The following PCNX1 variants were observed in gnomAD, a reference collection of about 807,000 sequenced individuals.
The protein encoded by PCNX1 is pecanex 1, also known as pecanex-like protein 1.
PCNX1 carries 78 observed loss-of-function variants against 242.2 expected under a neutral mutation model. The observed-to-expected ratio is 0.32, with a 90% CI of 0.27 to 0.39. PCNX1 has a LOEUF of 0.39. Among genes scored for constraint, PCNX1 ranks in the 10% least tolerant of loss-of-function variants. The pLI is 1.00. For synonymous variants in PCNX1, 1,024 were observed against 1,032.9 expected (o/e 0.99, Z 0.17); for missense variants, 2,581 against 2,856.5 (o/e 0.90, Z 2.20).
chr14:71,099,878 A>G (rs1374907436), intron 30 of PCNX1, among the ~76,000 whole-genome samples: 2 of 152,170 alleles, frequency 1.3e-5, no homozygotes, highest in Non-Finnish European at 2.9e-5. Context: ...TATCTGATAT[A>G]GGAATAGTGA....
chr14:71,102,317 A>G (rs2062485546), intron 31 of PCNX1, 97 bp downstream of exon 31: 2 of 760,874 alleles, frequency 2.6e-6, no homozygotes, highest in Non-Finnish European at 4.4e-6. Context: ...CTTTGGGCCC[A>G]GGCTGGAATA....
Position 70,925,812 on chromosome 14 carries a change from CAG to C in PCNX1, c.153+17812_153+17813del, listed in dbSNP as rs138050011. Among the ~76,000 whole-genome samples, 405 of 152,204 alleles carry C rather than the reference CAG, an allele frequency of 2.7e-3. 1 individual carries two copies. The highest frequency in any genetic ancestry group is 9.5e-3 in the African/African-American group (394 of 41,510). ...AAATCCCCTTTTGCAGAGGAGGAAACAGAGGCTCCTAGGGGTTAAATCACTGG... is the reference window on the plus strand; with the variant it reads ...AAATCCCCTTTTGCAGAGGAGGAAACAGGCTCCTAGGGGTTAAATCACTGG... On this transcript the variant is annotated intron_variant, in intron 1 of 35. Coordinates refer to ENST00000304743, the MANE Select transcript of PCNX1 (RefSeq NM_014982.3).
At chr14:71,098,553 TGAGA>T (rs1555379088) in intron 30 of PCNX1, among the ~76,000 whole-genome samples, 18 of 125,734 alleles carry the variant, frequency 1.4e-4, no homozygotes, top group South Asian at 5.2e-4. Context: ...TGTGTGTGTG[TGAGA>T]GAGAGAGAGA....
At chr14:71,068,759 A>G (rs2061519894) in intron 26 of PCNX1, among the ~76,000 whole-genome samples, 1 of 132,144 alleles carries the variant, frequency 7.6e-6, no homozygotes, top group Non-Finnish European at 1.5e-5. Flanking sequence ...TATATACATT[A>G]TATATTATGT....
intron 1 of PCNX1, among the ~76,000 whole-genome samples, chr14:70,930,234 C>CTT (rs1260173633): frequency 6.6e-6 from 1 of 152,070 alleles, no homozygotes; most frequent in African/African-American, 2.4e-5. Flanking sequence ...CAGCCTTGAA[C>CTT]TTTTGGGCTC....
intron 15 of PCNX1, chr14:71,027,337 A>G (rs531627621): frequency 6.6e-6 from 1 of 152,104 alleles, no homozygotes. Context: ...CCAGAATCTA[A>G]AAGTATTTTA....
chr14:71,035,992 C>T, intron 18 of PCNX1, 73 bp from the exon 19 acceptor site: 2 of 990,734 alleles, frequency 2.0e-6, no homozygotes, highest in South Asian at 3.0e-5. Context: ...TAAACTTTGC[C>T]AATTGGGAAT....
chr14:70,912,527 T>C (rs2140017608), intron 1 of PCNX1, among the ~76,000 whole-genome samples: 1 of 152,034 alleles, frequency 6.6e-6, no homozygotes, highest in Non-Finnish European at 1.5e-5. Context: ...GCCCAAAAGC[T>C]TCTGAATTCC....
intron 24 of PCNX1, 128 bp from the exon 25 acceptor site, chr14:71,055,376 T>G: frequency 3.3e-6 from 2 of 603,278 alleles, no homozygotes. Flanking sequence ...AATCACAGAT[T>G]TTTTCCAGAG....
intron 1 of PCNX1, among the ~76,000 whole-genome samples, chr14:70,926,439 G>A (rs915706830): frequency 6.6e-6 from 1 of 152,122 alleles, no homozygotes; most frequent in Non-Finnish European, 1.5e-5. Flanking sequence ...TTGTACTGTA[G>A]CCCTTATGAA....
At chr14:71,069,988 A>G (rs1385227827) in intron 26 of PCNX1, among the ~76,000 whole-genome samples, 2 of 152,168 alleles carry the variant, frequency 1.3e-5, no homozygotes, top group Admixed American at 6.6e-5. Flanking sequence ...AGTGCTCTCA[A>G]ACTTTTTGCT....
chr14:71,098,403 T>C (rs972450974), intron 30 of PCNX1, among the ~76,000 whole-genome samples: 3 of 152,174 alleles, frequency 2.0e-5, no homozygotes, highest in Non-Finnish European at 4.4e-5. Flanking sequence ...ATTCATCCAG[T>C]CCATAAGCAT....
rs200136176 is a variant in PCNX1, at chr14:70,995,924, T to A, written c.2628T>A (p.Leu876=). ...GCGGTAGCAGTTTGCACGATGAACT[T>A]GGTATGCAGGCCTTATGTAATCTTG... is the stretch of plus-strand genomic sequence containing the variant. The part of the protein sequence containing the change: ...AVGGSSLHDE[L]GKFSSTLYET... The change falls in exon 8 of 36, where the codon CTT becomes CTA. Residue 876 remains leucine, a splice_region_variant and synonymous_variant. Coordinates refer to ENST00000304743, the MANE Select transcript of PCNX1 (RefSeq NM_014982.3). 78 of 1,611,246 alleles carry A rather than the reference T, an allele frequency of 4.8e-5. 1 individual carries two copies. In the Admixed American group the frequency reaches 1.3e-3, roughly 27 times the overall value.
intron 7 of PCNX1, 47 bp downstream of exon 7, chr14:70,988,746 C>G (rs1427363065): frequency 6.3e-7 from 1 of 1,577,822 alleles, no homozygotes; most frequent in Admixed American, 1.7e-5. Context: ...TGTAACAACC[C>G]TTCTAATCTG....
At chr14:70,922,440 G>A (rs1003808845) in intron 1 of PCNX1, among the ~76,000 whole-genome samples, 2 of 151,966 alleles carry the variant, frequency 1.3e-5, no homozygotes, top group African/African-American at 2.4e-5. Flanking sequence ...GAGAAAACCG[G>A]TAAATGTGAA....
intron 12 of PCNX1, among the ~76,000 whole-genome samples, chr14:71,020,323 G>A (rs1169382215): frequency 6.6e-6 from 1 of 152,166 alleles, no homozygotes; most frequent in Admixed American, 6.5e-5. Context: ...AGGTCAAATG[G>A]TATTTCTGGT....
intron 3 of PCNX1, among the ~76,000 whole-genome samples, chr14:70,964,734 A>T (rs1013998472): frequency 3.3e-5 from 5 of 152,168 alleles, no homozygotes. Context: ...TTAGGGAGGG[A>T]GTCCCTTTTT....
chr14:70,986,475 G>A (rs2059005881), intron 6 of PCNX1, among the ~76,000 whole-genome samples: 1 of 152,084 alleles, frequency 6.6e-6, no homozygotes, highest in South Asian at 2.1e-4. Context: ...AAGAAACCAA[G>A]AAACATTTTG....
chr14:70,923,869 C>G (rs2056476001), intron 1 of PCNX1, among the ~76,000 whole-genome samples: 2 of 152,126 alleles, frequency 1.3e-5, no homozygotes, highest in Non-Finnish European at 2.9e-5. Context: ...TGTCCAGGTA[C>G]ATTATTAAGA....
Sources: gnomAD v4.1 joint callset for allele counts (sites outside exome capture counted in the v4.1 genomes callset) on GRCh38, gnomAD v4.1.1 for gene constraint, MANE v1.5 for transcripts, NCBI Gene and HGNC (gene_info 2026-07-23, HGNC 2026-07-21) for gene names.